NLGN1: variants seen among roughly 807,000 people sequenced by gnomAD.
NLGN1 encodes the protein neuroligin-1.
Under a neutral mutation model 65.5 loss-of-function variants are expected in NLGN1, and 12 were observed. The observed-to-expected ratio is 0.18, with a 90% CI of 0.12 to 0.30. The LOEUF (loss-of-function observed/expected upper bound fraction) is 0.30. Ranked by LOEUF, NLGN1 falls within the 10% of genes least tolerant of loss-of-function variation. NLGN1 has a pLI of 1.00. For missense variants in NLGN1, 750 were observed against 1,007.1 expected, an observed-to-expected ratio of 0.74 and a Z score of 3.46; for synonymous variants, 350 against 359.5, an observed-to-expected ratio of 0.97 and a Z score of 0.30.
chr3:173,600,200 T>TAACAC (rs1750232678), intron 2 of NLGN1, among the ~76,000 whole-genome samples: 1 of 145,100 alleles, frequency 6.9e-6, no homozygotes, highest in Non-Finnish European at 1.5e-5. Context: ...TACATGTGTG[T>TAACAC]ACACACACAC....
chr3:173,650,934 TTTA>T (rs1311346094), intron 3 of NLGN1, among the ~76,000 whole-genome samples: 7 of 152,106 alleles, frequency 4.6e-5, no homozygotes, highest in Admixed American at 4.6e-4. Context: ...ATTTTTTTTT[TTTA>T]TTATTTGTAT....
intron 4 of NLGN1, among the ~76,000 whole-genome samples, chr3:174,010,828 C>T (rs291926): frequency 6.6e-6 from 1 of 152,088 alleles, no homozygotes; most frequent in African/African-American, 2.4e-5. Flanking sequence ...AATGTAAAAG[C>T]CTAGAAAAAT....
intron 3 of NLGN1, among the ~76,000 whole-genome samples, chr3:173,797,194 C>T (rs1714283818): frequency 6.6e-6 from 1 of 152,078 alleles, no homozygotes; most frequent in South Asian, 2.1e-4. Flanking sequence ...AGTTTGCAGC[C>T]CTGAACTCTG....
At chr3:173,493,624 A>T (rs1218649745) in intron 2 of NLGN1, among the ~76,000 whole-genome samples, 1 of 151,856 alleles carries the variant, frequency 6.6e-6, no homozygotes, top group Admixed American at 6.6e-5. Context: ...AACACATGGA[A>T]ATAGTACTGT....
chr3:173,947,432 T>C (rs1449360729), intron 4 of NLGN1, among the ~76,000 whole-genome samples: 1 of 152,226 alleles, frequency 6.6e-6, no homozygotes, highest in African/African-American at 2.4e-5. Flanking sequence ...CTTAGCACTT[T>C]GTATATTTTA....
At chr3:173,658,469 G>A (rs1760417478) in intron 3 of NLGN1, among the ~76,000 whole-genome samples, 1 of 151,940 alleles carries the variant, frequency 6.6e-6, no homozygotes, top group Non-Finnish European at 1.5e-5. Context: ...TCCATTCTCA[G>A]GTAGTCCTAC....
intron 3 of NLGN1, among the ~76,000 whole-genome samples, chr3:173,796,543 T>C (rs1191400176): frequency 6.6e-6 from 1 of 152,102 alleles, no homozygotes; most frequent in East Asian, 1.9e-4. Context: ...ATATAAAGTA[T>C]AGTAATTACT....
At chr3:173,824,922 G>A (rs1310205332) in intron 4 of NLGN1, among the ~76,000 whole-genome samples, 2 of 151,966 alleles carry the variant, frequency 1.3e-5, no homozygotes, top group African/African-American at 4.8e-5. Context: ...ATTGACTAGC[G>A]TTGAACACCA....
intron 4 of NLGN1, among the ~76,000 whole-genome samples, chr3:174,017,823 C>T (rs898426192): frequency 3.9e-5 from 6 of 152,046 alleles, no homozygotes; most frequent in Non-Finnish European, 7.4e-5. Context: ...GGTGAGATCA[C>T]AGTACTGGGG....
chr3:173,810,418 C>T (rs1369242605), intron 4 of NLGN1, among the ~76,000 whole-genome samples: 1 of 152,122 alleles, frequency 6.6e-6, no homozygotes, highest in Non-Finnish European at 1.5e-5. Flanking sequence ...GATATGATCC[C>T]ACATCCGAGG....
At chr3:173,555,237 C>T (rs1376125524) in intron 2 of NLGN1, among the ~76,000 whole-genome samples, 1 of 152,026 alleles carries the variant, frequency 6.6e-6, no homozygotes, top group Non-Finnish European at 1.5e-5. Context: ...GTATTTTTTC[C>T]TCTATCAATT....
intron 4 of NLGN1, among the ~76,000 whole-genome samples, chr3:174,261,225 G>A (rs1190877122): frequency 6.6e-6 from 1 of 151,562 alleles, no homozygotes; most frequent in Non-Finnish European, 1.5e-5. Context: ...TGTGAAGAAA[G>A]TCATTGGTAG....
chr3:173,713,318 A>G (rs928458533), intron 3 of NLGN1, among the ~76,000 whole-genome samples: 1 of 152,158 alleles, frequency 6.6e-6, no homozygotes, highest in Admixed American at 6.6e-5. Context: ...TATTTGTATT[A>G]TTTGGGTTTA....
intron 4 of NLGN1, among the ~76,000 whole-genome samples, chr3:174,139,078 A>G (rs780177318): frequency 6.6e-6 from 1 of 152,104 alleles, no homozygotes; most frequent in Non-Finnish European, 1.5e-5. Flanking sequence ...AAAACTAAGT[A>G]TATTGCACAT....
At chr3:173,978,999 T>C (rs965781216) in intron 4 of NLGN1, among the ~76,000 whole-genome samples, 1 of 151,430 alleles carries the variant, frequency 6.6e-6, no homozygotes, top group African/African-American at 2.4e-5. Flanking sequence ...AGTAAGATTC[T>C]GTCTCAAAAA....
In NLGN1 at chr3:173,459,445, T is replaced by C. The variant is rs71310545; in HGVS notation, c.-321+24367T>C. On this transcript the variant is annotated intron_variant, in intron 2 of 6. Coordinates refer to ENST00000457714, the Ensembl canonical transcript of NLGN1. The stretch of plus-strand genomic sequence containing the variant: ...TGATAACTTTCTTTTAACTAATGCA[T>C]AAACTCAGTGACATTTCTTTGCTTA... Among the ~76,000 whole-genome samples, 698 of 152,248 alleles carry C rather than the reference T, an allele frequency of 4.6e-3. 3 individuals carry two copies. The highest frequency in any genetic ancestry group is 7.0e-3 in the Non-Finnish European group (473 of 68,000).
chr3:173,514,606 G>T (rs1174013754), intron 2 of NLGN1, among the ~76,000 whole-genome samples: 2 of 152,156 alleles, frequency 1.3e-5, no homozygotes, highest in African/African-American at 4.8e-5. Context: ...CACGTATCAA[G>T]AATTTATTCA....
At chr3:173,526,325 G>A (rs1330207255) in intron 2 of NLGN1, among the ~76,000 whole-genome samples, 2 of 147,312 alleles carry the variant, frequency 1.4e-5, no homozygotes, top group African/African-American at 5.4e-5. Context: ...GCCTTTCCTT[G>A]TCTTTTTTTT....
At chr3:174,237,061 A>AAAC (rs1255854829) in intron 4 of NLGN1, among the ~76,000 whole-genome samples, 1 of 152,114 alleles carries the variant, frequency 6.6e-6, no homozygotes, top group African/African-American at 2.4e-5. Context: ...ACTTTGTTCT[A>AAAC]GTGAGTTGCT....
Sources: gnomAD v4.1 joint callset for allele counts (sites outside exome capture counted in the v4.1 genomes callset) on GRCh38, gnomAD v4.1.1 for gene constraint, MANE v1.5 for transcripts, NCBI Gene and HGNC (gene_info 2026-07-23, HGNC 2026-07-21) for gene names.